Variants in WDPCP observed in about 807,000 individuals in gnomAD.
The protein encoded by WDPCP is WD repeat containing planar cell polarity effector, also known as WD repeat-containing and planar cell polarity effector protein fritz homolog.
Under a neutral mutation model 93.1 loss-of-function variants are expected in WDPCP, and 71 were observed. That is an observed-to-expected ratio of 0.76 (90% confidence interval 0.63 to 0.93). The LOEUF (loss-of-function observed/expected upper bound fraction) is 0.93, where lower values mean the gene tolerates loss of function less well. WDPCP is among the 40% of genes least tolerant of loss of function. WDPCP has a pLI of 0.00. For synonymous variants in WDPCP, 315 were observed against 315.0 expected (o/e 1.00, Z 0.00); for missense variants, 844 against 887.4 (o/e 0.95, Z 0.62).
intron 2 of WDPCP, among the ~76,000 whole-genome samples, chr2:63,709,347 C>A (rs1669225131): frequency 6.6e-6 from 1 of 151,934 alleles, no homozygotes; most frequent in African/African-American, 2.4e-5. Context: ...GCTGCTTTTT[C>A]CCTCCTCCAT....
intron 9 of WDPCP, among the ~76,000 whole-genome samples, chr2:63,413,979 A>G (rs1434773174): frequency 7.6e-6 from 1 of 132,022 alleles, no homozygotes; most frequent in African/African-American, 2.6e-5. Context: ...AAACAAATCA[A>G]TAAGAAAAAA....
intron 2 of WDPCP, among the ~76,000 whole-genome samples, chr2:63,741,727 C>T (rs1669717601): frequency 6.6e-6 from 1 of 151,990 alleles, no homozygotes; most frequent in Admixed American, 6.6e-5. Flanking sequence ...TTAAATAAAT[C>T]ATTTAAAAAT....
chr2:63,210,654 A>T (rs185365356), intron 14 of WDPCP, among the ~76,000 whole-genome samples: 1 of 152,316 alleles, frequency 6.6e-6, no homozygotes, highest in East Asian at 1.9e-4. Context: ...AGGAAGGGCA[A>T]GGCATTGCCT....
chr2:63,136,178 C>CTA (rs1442796786), intron 17 of WDPCP, among the ~76,000 whole-genome samples: 4 of 152,004 alleles, frequency 2.6e-5, no homozygotes, highest in Non-Finnish European at 5.9e-5. Context: ...CTCTCTCTCT[C>CTA]TATATATATT....
chr2:63,581,968 C>G (rs957076030), intron 1 of WDPCP, among the ~76,000 whole-genome samples: 1 of 150,690 alleles, frequency 6.6e-6, no homozygotes, highest in Non-Finnish European at 1.5e-5. Flanking sequence ...TAGCTCTAGC[C>G]TGGGCAACAG....
chr2:63,168,351 A>G (rs1673146842), intron 15 of WDPCP, among the ~76,000 whole-genome samples: 1 of 151,116 alleles, frequency 6.6e-6, no homozygotes, highest in African/African-American at 2.4e-5. Flanking sequence ...GTTTCTTATT[A>G]TTTTCATTTG....
chr2:63,152,959 T>A lies in WDPCP; in HGVS notation c.2159-14A>T. On this transcript the variant is annotated splice_polypyrimidine_tract_variant and intron_variant, in intron 16 of 17. Coordinates refer to ENST00000272321, the MANE Select transcript of WDPCP (RefSeq NM_015910.7). ...TCAGTTCTCCGTCTAAAGTAAAAGA[T>A]TAAAACATTAATTATCTTAAAAGTC... 1.2e-6 allele frequency: 2 copies of A among 1,611,184 alleles called. No homozygotes were observed. Among genetic ancestry groups the A allele is most frequent in the South Asian group, 1.1e-5 (1 of 90,718 alleles).
chr2:63,343,708 T>A (rs1689005254), intron 12 of WDPCP, among the ~76,000 whole-genome samples: 1 of 152,212 alleles, frequency 6.6e-6, no homozygotes, highest in Admixed American at 6.5e-5. Flanking sequence ...TCTTCATTTT[T>A]AAAATTTTTA....
At chr2:63,145,968 A>C (rs1193818631) in intron 17 of WDPCP, among the ~76,000 whole-genome samples, 1 of 152,122 alleles carries the variant, frequency 6.6e-6, no homozygotes, top group Non-Finnish European at 1.5e-5. Context: ...TTTTTGTAAC[A>C]ATTGTGAATG....
At chr2:63,498,518 T>A (rs1025379131) in intron 1 of WDPCP, among the ~76,000 whole-genome samples, 1 of 152,214 alleles carries the variant, frequency 6.6e-6, no homozygotes, top group Non-Finnish European at 1.5e-5. Flanking sequence ...GTCTTAAGAA[T>A]AATTTTACCA....
intron 3 of WDPCP, among the ~76,000 whole-genome samples, chr2:63,601,302 T>C (rs1160324621): frequency 6.6e-6 from 1 of 152,186 alleles, no homozygotes; most frequent in Non-Finnish European, 1.5e-5. Flanking sequence ...TTGCTAGATA[T>C]TTTTGTCTTG....
At chr2:63,237,863 A>T (rs972095131) in intron 14 of WDPCP, among the ~76,000 whole-genome samples, 2 of 151,998 alleles carry the variant, frequency 1.3e-5, no homozygotes, top group African/African-American at 4.8e-5. Context: ...GGGCTGAAAA[A>T]CTTGTTAGGT....
At chr2:63,302,620 C>T (rs907344186) in intron 13 of WDPCP, among the ~76,000 whole-genome samples, 5 of 152,140 alleles carry the variant, frequency 3.3e-5, no homozygotes, top group Non-Finnish European at 7.3e-5. Context: ...CTTCTCTCTC[C>T]CTGTGCAAAT....
intron 13 of WDPCP, among the ~76,000 whole-genome samples, chr2:63,291,412 T>C: frequency 6.6e-6 from 1 of 152,236 alleles, no homozygotes; most frequent in South Asian, 2.1e-4. Context: ...CACAGACTTA[T>C]TTTTCACTGT....
intron 10 of WDPCP, among the ~76,000 whole-genome samples, chr2:63,383,618 C>G (rs1374883267): frequency 6.6e-6 from 1 of 152,126 alleles, no homozygotes; most frequent in East Asian, 1.9e-4. Context: ...GAGGCTGCAG[C>G]AGGAGAATCG....
chr2:63,328,318 G>A (rs574457193), intron 12 of WDPCP, among the ~76,000 whole-genome samples: 2 of 152,008 alleles, frequency 1.3e-5, no homozygotes, highest in East Asian at 1.9e-4. Context: ...CTTCCACACT[G>A]TGGAAGCTTT....
At chr2:63,801,980 G>A (rs1485127520) in intron 2 of WDPCP, among the ~76,000 whole-genome samples, 1 of 152,158 alleles carries the variant, frequency 6.6e-6, no homozygotes, top group East Asian at 1.9e-4. Context: ...GGGAAAGCAA[G>A]TCCATAAAGT....
chr2:63,259,280 G>T, intron 14 of WDPCP, 27 bp downstream of exon 14: 2 of 1,554,042 alleles, frequency 1.3e-6, no homozygotes, highest in South Asian at 1.1e-5. Flanking sequence ...AAAATAAAAA[G>T]CACTTAAAAA....
At chr2:63,734,863 A>G (rs1433084849) in intron 2 of WDPCP, among the ~76,000 whole-genome samples, 7 of 124,650 alleles carry the variant, frequency 5.6e-5, no homozygotes, top group African/African-American at 1.9e-4. Context: ...AGATGGAGAT[A>G]GATAGATAGA....
Sources: gnomAD v4.1 joint callset for allele counts (sites outside exome capture counted in the v4.1 genomes callset) on GRCh38, gnomAD v4.1.1 for gene constraint, MANE v1.5 for transcripts, NCBI Gene and HGNC (gene_info 2026-07-23, HGNC 2026-07-21) for gene names.